The following BMP6 variants were observed in gnomAD, a reference collection of about 807,000 sequenced individuals.
BMP6 encodes the protein VG-1-R.
In BMP6, 17 loss-of-function variants were observed where a neutral mutation model predicts 54.1. The observed-to-expected ratio is 0.31, with a 90% CI of 0.22 to 0.47. BMP6 has a LOEUF of 0.47. Ranked by LOEUF, BMP6 falls within the 20% of genes least tolerant of loss-of-function variation. BMP6 has a pLI of 1.00. For synonymous variants in BMP6, 328 were observed against 291.2 expected, an observed-to-expected ratio of 1.13 and a Z score of -1.28; for missense variants, 720 against 690.4, an observed-to-expected ratio of 1.04 and a Z score of -0.48.
At chr6:7,876,261 T>A (rs1561799318) in intron 4 of BMP6, among the ~76,000 whole-genome samples, 1 of 152,260 alleles carries the variant, frequency 6.6e-6, no homozygotes, top group Non-Finnish European at 1.5e-5. Flanking sequence ...TTAGTAATTT[T>A]CTTTTTATCT....
At chr6:7,848,844 G>T (rs1183798309) in intron 2 of BMP6, among the ~76,000 whole-genome samples, 1 of 152,174 alleles carries the variant, frequency 6.6e-6, no homozygotes, top group African/African-American at 2.4e-5. Context: ...ATAAATCATT[G>T]TGTCCTTGTG....
intron 1 of BMP6, among the ~76,000 whole-genome samples, chr6:7,823,737 T>C (rs1758650412): frequency 1.3e-5 from 2 of 152,188 alleles, no homozygotes; most frequent in Non-Finnish European, 2.9e-5. Context: ...GGAAATAGCA[T>C]GTGCAAAGGT....
At chr6:7,760,835 G>A (rs1258373048) in intron 1 of BMP6, among the ~76,000 whole-genome samples, 1 of 152,198 alleles carries the variant, frequency 6.6e-6, no homozygotes, top group Non-Finnish European at 1.5e-5. Context: ...AGTTTTGAAT[G>A]CATCAAAAAC....
chr6:7,861,479 C>G lies in BMP6; in HGVS notation c.886C>G (p.Arg296Gly). 1.2e-6 allele frequency: 2 copies of G among 1,614,060 alleles called. No individual in the cohort carries two copies. The highest frequency in any genetic ancestry group is 1.7e-6 in the Non-Finnish European group (2 of 1,180,016). ...RDSDLFLLDT[R>G]VVWASEEGWL... ...CTCTGACCTGTTTTTGTTGGACACCCGTGTAGTATGGGCCTCAGAAGAAGG... is the reference window on the plus strand; with the variant it reads ...CTCTGACCTGTTTTTGTTGGACACCGGTGTAGTATGGGCCTCAGAAGAAGG... The change falls in exon 3 of 7, where the codon CGT (arginine) becomes GGT (glycine). Residue 296 changes from arginine (R) to glycine (G), a missense_variant. Arg to Gly is a moderately radical substitution (Grantham distance 125). This residue lies in a region of BMP6 where 650 missense variants were observed against 556.3 expected (regional missense o/e 1.17). Coordinates refer to ENST00000283147, the MANE Select transcript of BMP6 (RefSeq NM_001718.6).
intron 1 of BMP6, among the ~76,000 whole-genome samples, chr6:7,738,609 C>T (rs779768145): frequency 1.3e-5 from 2 of 151,702 alleles, no homozygotes; most frequent in African/African-American, 2.4e-5. Context: ...AGGTTGGACC[C>T]TCATTGCTAA....
At chr6:7,860,181 G>A (rs1759312474) in intron 2 of BMP6, among the ~76,000 whole-genome samples, 1 of 152,206 alleles carries the variant, frequency 6.6e-6, no homozygotes, top group African/African-American at 2.4e-5. Flanking sequence ...GTAAGGTGGA[G>A]ACCGTGACAC....
At chr6:7,868,894 C>T (rs1227529879) in intron 4 of BMP6, among the ~76,000 whole-genome samples, 1 of 152,160 alleles carries the variant, frequency 6.6e-6, no homozygotes, top group Non-Finnish European at 1.5e-5. Flanking sequence ...ACCTCTCTCC[C>T]TCTCCCTCCT....
chr6:7,761,326 T>G (rs1025051741), intron 1 of BMP6, among the ~76,000 whole-genome samples: 3 of 152,216 alleles, frequency 2.0e-5, no homozygotes, highest in Non-Finnish European at 4.4e-5. Flanking sequence ...TGGCTGGTTA[T>G]GATAGTAAGT....
intron 1 of BMP6, among the ~76,000 whole-genome samples, chr6:7,764,410 T>G (rs891835865): frequency 6.6e-6 from 1 of 152,238 alleles, no homozygotes; most frequent in Non-Finnish European, 1.5e-5. Flanking sequence ...TTATATCAGT[T>G]ATTGCTAATT....
intron 1 of BMP6, among the ~76,000 whole-genome samples, chr6:7,742,753 C>T (rs539423198): frequency 1.3e-5 from 2 of 152,134 alleles, no homozygotes; most frequent in African/African-American, 4.8e-5. Context: ...CAAGTGTGTC[C>T]AAATAGGTTG....
intron 2 of BMP6, among the ~76,000 whole-genome samples, chr6:7,851,359 T>C (rs1405569424): frequency 6.6e-6 from 1 of 152,204 alleles, no homozygotes; most frequent in East Asian, 1.9e-4. Flanking sequence ...CTGATGCTGT[T>C]GTAAATGGTA....
In BMP6 at chr6:7,820,396, G is replaced by A. The variant is rs1016243039; in HGVS notation, c.665-24744G>A. ...CTGTGACCAAAACTCCACAAACCTCGCAAATCGAAAGCTCTGAGAAAAGTG... is the reference window on the plus strand; with the variant it reads ...CTGTGACCAAAACTCCACAAACCTCACAAATCGAAAGCTCTGAGAAAAGTG... On this transcript the variant is annotated intron_variant, in intron 1 of 6. Coordinates refer to ENST00000283147, the MANE Select transcript of BMP6 (RefSeq NM_001718.6). 5.9e-5 allele frequency among the ~76,000 whole-genome samples: 9 copies of A among 152,308 alleles called. No homozygotes were observed. In the East Asian group the frequency reaches 1.7e-3, roughly 29 times the overall value.
intron 1 of BMP6, among the ~76,000 whole-genome samples, chr6:7,804,296 T>A (rs182201031): frequency 1.3e-5 from 2 of 151,978 alleles, no homozygotes; most frequent in Admixed American, 6.6e-5. Flanking sequence ...TTTTTTTTTT[T>A]AAACTCTCAC....
At chr6:7,860,579 C>CAG (rs1759317810) in intron 2 of BMP6, among the ~76,000 whole-genome samples, 1 of 152,196 alleles carries the variant, frequency 6.6e-6, no homozygotes. Context: ...AAAAGTCAGT[C>CAG]TTCCCTGAAG....
At chr6:7,852,975 C>T (rs1286675819) in intron 2 of BMP6, among the ~76,000 whole-genome samples, 1 of 152,172 alleles carries the variant, frequency 6.6e-6, no homozygotes, top group East Asian at 1.9e-4. Flanking sequence ...CACGCACTAG[C>T]TGCCTTGAAT....
At chr6:7,757,613 A>C (rs1263810983) in intron 1 of BMP6, among the ~76,000 whole-genome samples, 1 of 152,180 alleles carries the variant, frequency 6.6e-6, no homozygotes, top group African/African-American at 2.4e-5. Context: ...TATTCAACCT[A>C]GTACCTATGG....
intron 1 of BMP6, among the ~76,000 whole-genome samples, chr6:7,812,358 G>A (rs1758447854): frequency 6.6e-6 from 1 of 152,006 alleles, no homozygotes; most frequent in Non-Finnish European, 1.5e-5. Context: ...GTAGACTTTG[G>A]GCAACTGAAA....
intron 1 of BMP6, among the ~76,000 whole-genome samples, chr6:7,802,921 A>G (rs1344641565): frequency 6.6e-6 from 1 of 152,226 alleles, no homozygotes; most frequent in South Asian, 2.1e-4. Flanking sequence ...CCGAATGCTC[A>G]TAGAATGCCT....
chr6:7,850,347 T>C lies in BMP6; in HGVS notation c.857+5015T>C, dbSNP rs181018151. On this transcript the variant is annotated intron_variant, in intron 2 of 6. Coordinates refer to ENST00000283147, the MANE Select transcript of BMP6 (RefSeq NM_001718.6). Reference sequence around the variant, plus strand: ...TGTTTTTAATACATTTTTATTGAAGTTAAAGCTACATATAAAATTTACCAT... The same window carrying C: ...TGTTTTTAATACATTTTTATTGAAGCTAAAGCTACATATAAAATTTACCAT... Among the ~76,000 whole-genome samples the C allele has an allele frequency of 3.9e-5, 6 of 152,286 alleles. No individual in the cohort carries two copies. In the East Asian group the frequency reaches 1.2e-3, roughly 29 times the overall value.
Sources: allele counts gnomAD v4.1 joint callset (sites outside exome capture counted in the v4.1 genomes callset), GRCh38; gene constraint gnomAD v4.1.1; regional missense constraint gnomAD v4.1.1; transcripts MANE v1.5; gene names NCBI Gene and HGNC (gene_info 2026-07-23, HGNC 2026-07-21).